The following CADM1 variants were observed in gnomAD, a reference collection of about 807,000 sequenced individuals.
CADM1 encodes the protein TSLC-1.
Under a neutral mutation model 53.1 loss-of-function variants are expected in CADM1, and 15 were observed. That is an observed-to-expected ratio of 0.28 (90% CI 0.19 to 0.44). The LOEUF (loss-of-function observed/expected upper bound fraction) is 0.44, where lower values mean the gene tolerates loss of function less well. CADM1 is among the 20% of genes least tolerant of loss of function. CADM1 has a pLI of 1.00. For missense variants in CADM1, 434 were observed against 611.3 expected, an observed-to-expected ratio of 0.71 and a Z score of 3.06; for synonymous variants, 281 against 243.0, an observed-to-expected ratio of 1.16 and a Z score of -1.45.
At position 115,173,572 on chromosome 11, in the gene CADM1, T is replaced by A. The variant is rs1008937737; in HGVS notation, c.*2902A>T. 5.4e-6 allele frequency: 1 copy of A among 186,534 alleles called. No individual in the cohort carries two copies. Among genetic ancestry groups the A allele is most frequent in the Non-Finnish European group, 1.0e-5 (1 of 99,346 alleles). 11.6% of individuals were successfully genotyped at this position (186,534 alleles called of 1,614,324 possible). On this transcript the variant is annotated 3_prime_UTR_variant, in exon 12 of 12. Transcript: ENST00000331581. Reference sequence around the variant, plus strand: ...GGAGGAAGCTGGGACCAGAGGCCCATCTCTTCTCTCACTCGGAGGCGTCCA... The same window carrying A: ...GGAGGAAGCTGGGACCAGAGGCCCAACTCTTCTCTCACTCGGAGGCGTCCA...
intron 1 of CADM1, among the ~76,000 whole-genome samples, chr11:115,479,639 CTTTTATG>C (rs1247435982): frequency 6.6e-6 from 1 of 152,112 alleles, no homozygotes; most frequent in African/African-American, 2.4e-5. Flanking sequence ...CATAACTGTC[CTTTTATG>C]TTTTATTTAT....
At chr11:115,376,462 A>G (rs908186855) in intron 1 of CADM1, among the ~76,000 whole-genome samples, 1 of 152,216 alleles carries the variant, frequency 6.6e-6, no homozygotes, top group African/African-American at 2.4e-5. Context: ...AAAATTTCAA[A>G]TACAGGGAGA....
Position 115,469,669 on chromosome 11 carries a change from C to CTTTTT in CADM1, c.124+34597_124+34601dup, listed in dbSNP as rs554156174. Among the ~76,000 whole-genome samples the CTTTTT allele has an allele frequency of 1.0e-4, 10 of 100,466 alleles. 1 individual carries two copies. Among genetic ancestry groups the CTTTTT allele is most frequent in the Admixed American group, 1.3e-4 (1 of 7,504 alleles). 65.9% of individuals were successfully genotyped at this position (100,466 alleles called of 152,430 possible). ...AACCATACTATCCTCAACTTCTGGG[C>CTTTTT]TTTTTTTTTTTTTTTTTTTCGAGAC... On this transcript the variant is annotated intron_variant, in intron 1 of 11. Transcript: ENST00000331581.
Position 115,231,268 on chromosome 11 carries a change from T to C in CADM1, c.562+85A>G, listed in dbSNP as rs189470146. ...AATGAATACTTTTGTTTCATGGGCA[T>C]GTTTTGTATTTCTCCATGATTTTCA... On this transcript the variant is annotated intron_variant, in intron 4 of 11. Coordinates refer to ENST00000331581, the MANE Select transcript of CADM1 (RefSeq NM_001301043.2). 97 of 1,401,266 alleles carry C rather than the reference T, an allele frequency of 6.9e-5. No homozygotes were observed. The African/African-American group carries it at 1.1e-3, about 15-fold the overall frequency. The allele number at this position is 1,401,266 out of a possible 1,614,324, so 86.8% of individuals were successfully genotyped here. A position where few individuals can be genotyped will look rare whatever the true frequency, so the allele number is the denominator to read the frequency against.
intron 1 of CADM1, among the ~76,000 whole-genome samples, chr11:115,475,869 T>C (rs1780269156): frequency 1.3e-5 from 2 of 152,198 alleles, no homozygotes; most frequent in African/African-American, 4.8e-5. Flanking sequence ...CACTGTAAAG[T>C]AGATATACAA....
chr11:115,190,008 T>C (rs1939769202), intron 10 of CADM1, among the ~76,000 whole-genome samples: 1 of 152,216 alleles, frequency 6.6e-6, no homozygotes, highest in African/African-American at 2.4e-5. Flanking sequence ...TAGCCAACTA[T>C]TAAAAGGAGC....
At chr11:115,213,808 A>G (rs1941064388) in intron 7 of CADM1, among the ~76,000 whole-genome samples, 1 of 152,200 alleles carries the variant, frequency 6.6e-6, no homozygotes, top group African/African-American at 2.4e-5. Flanking sequence ...TTGTCATGTC[A>G]GTTCATGGCT....
At chr11:115,271,848 ACT>A (rs1451100950) in intron 1 of CADM1, among the ~76,000 whole-genome samples, 2 of 152,214 alleles carry the variant, frequency 1.3e-5, no homozygotes, top group African/African-American at 4.8e-5. Context: ...CCAAAGATCC[ACT>A]GAGATGTGGT....
intron 1 of CADM1, among the ~76,000 whole-genome samples, chr11:115,349,083 G>A (rs763823305): frequency 3.9e-5 from 6 of 152,062 alleles, no homozygotes; most frequent in Non-Finnish European, 5.9e-5. Flanking sequence ...CTTCCTTTAC[G>A]CATCAAGGGG....
At chr11:115,459,536 A>G (rs1948750557) in intron 1 of CADM1, among the ~76,000 whole-genome samples, 1 of 152,140 alleles carries the variant, frequency 6.6e-6, no homozygotes, top group Admixed American at 6.6e-5. Flanking sequence ...AAAGAAAAGA[A>G]AGAGAGAAGA....
intron 1 of CADM1, among the ~76,000 whole-genome samples, chr11:115,396,169 C>A (rs751600208): frequency 2.2e-4 from 33 of 152,340 alleles, no homozygotes; most frequent in Admixed American, 8.5e-4. Flanking sequence ...AGATGCCTCT[C>A]AGTTTGGCAG....
At chr11:115,338,882 T>TA (rs1185426213) in intron 1 of CADM1, among the ~76,000 whole-genome samples, 22 of 145,536 alleles carry the variant, frequency 1.5e-4, no homozygotes, top group African/African-American at 3.3e-4. Context: ...TTTTTATTTT[T>TA]TTTTTTTTAA....
intron 1 of CADM1, among the ~76,000 whole-genome samples, chr11:115,388,812 G>A (rs1211722543): frequency 2.6e-5 from 4 of 152,156 alleles, no homozygotes; most frequent in Admixed American, 2.6e-4. Context: ...AGATTGAAGA[G>A]ACATAACAGC....
intron 1 of CADM1, among the ~76,000 whole-genome samples, chr11:115,437,368 C>T (rs1290865658): frequency 6.6e-6 from 1 of 152,146 alleles, no homozygotes; most frequent in Non-Finnish European, 1.5e-5. Context: ...AGACATGAGT[C>T]CAATTCTCTC....
At chr11:115,233,477 T>C (rs985533817) in intron 3 of CADM1, among the ~76,000 whole-genome samples, 5 of 152,238 alleles carry the variant, frequency 3.3e-5, no homozygotes, top group Non-Finnish European at 7.3e-5. Flanking sequence ...ATTTTCATCA[T>C]ACATACCTAG....
chr11:115,466,209 C>T (rs1300311349), intron 1 of CADM1, among the ~76,000 whole-genome samples: 1 of 152,170 alleles, frequency 6.6e-6, no homozygotes, highest in Non-Finnish European at 1.5e-5. Context: ...TCCTGTCCAC[C>T]AGAGTGAATG....
At chr11:115,377,357 T>A (rs1946464962) in intron 1 of CADM1, 1 of 152,136 alleles carries the variant, frequency 6.6e-6, no homozygotes, top group African/African-American at 2.4e-5. Flanking sequence ...TGTGTTCCAA[T>A]CACCTATAGA....
intron 1 of CADM1, among the ~76,000 whole-genome samples, chr11:115,374,708 A>T (rs1448145179): frequency 6.6e-6 from 1 of 152,220 alleles, no homozygotes; most frequent in East Asian, 1.9e-4. Context: ...CTAATAAGAA[A>T]TAAAAAAATT....
intron 1 of CADM1, among the ~76,000 whole-genome samples, chr11:115,299,421 A>G (rs1944162099): frequency 6.6e-6 from 1 of 152,136 alleles, no homozygotes; most frequent in Non-Finnish European, 1.5e-5. Flanking sequence ...TGGTGTATGT[A>G]CTTTTTCTCC....
Sources: allele counts gnomAD v4.1 joint callset (sites outside exome capture counted in the v4.1 genomes callset), GRCh38; gene constraint gnomAD v4.1.1; transcripts MANE v1.5; gene names NCBI Gene and HGNC (gene_info 2026-07-23, HGNC 2026-07-21).